LRRC9: variants seen among roughly 807,000 people sequenced by gnomAD.
LRRC9 encodes leucine rich repeat containing 9, also known as leucine-rich repeat-containing protein 9.
Under a neutral mutation model 63.2 loss-of-function variants are expected in LRRC9, and 122 were observed. The observed-to-expected ratio is 1.93, with a 90% CI of 1.67 to 2.24. The LOEUF is 2.24. LRRC9 is among the 30% of genes most tolerant of loss of function. The pLI is 0.00. For synonymous variants in LRRC9, 366 were observed against 213.1 expected (o/e 1.72, Z -6.25); for missense variants, 1,071 against 627.7 (o/e 1.71, Z -7.55).
Position 60,051,079 on chromosome 14 carries a change from G to A in LRRC9, c.3991-1986G>A, listed in dbSNP as rs543924505. On this transcript the variant is annotated intron_variant, in intron 29 of 31. Coordinates refer to ENST00000445360, the Ensembl canonical transcript of LRRC9. The surrounding 1 kb of genome is among the most constrained non-coding windows in gnomAD (Gnocchi z 4.7). Reference sequence around the variant, plus strand: ...AACAGGATCAAGGACACACTTACAGGAGTAGTCTGGCTGCTTTTGGTAGAG... The same window carrying A: ...AACAGGATCAAGGACACACTTACAGAAGTAGTCTGGCTGCTTTTGGTAGAG... 2.4e-4 allele frequency among the ~76,000 whole-genome samples: 37 copies of A among 152,336 alleles called. No individual in the cohort carries two copies. The highest frequency in any genetic ancestry group is 8.7e-4 in the African/African-American group (36 of 41,584).
At chr14:60,055,205 A>T (rs1002935720) in intron 30 of LRRC9, among the ~76,000 whole-genome samples, 8 of 152,380 alleles carry the variant, frequency 5.3e-5, no homozygotes, top group African/African-American at 1.9e-4. Context: ...AGTTTAGGCA[A>T]AGGAAATTGA....
rs944393052 is a variant in LRRC9 at position 59,932,789 on chromosome 14, G to A, written c.543+750G>A. Among the ~76,000 whole-genome samples, 3 of 152,008 alleles carry A rather than the reference G, an allele frequency of 2.0e-5. No homozygotes were observed. The highest frequency in any genetic ancestry group is 7.2e-5 in the African/African-American group (3 of 41,422). On this transcript the variant is annotated intron_variant, in intron 6 of 31. Transcript: ENST00000445360. The surrounding 1 kb of genome is among the most constrained non-coding windows in gnomAD (Gnocchi z 4.7). Reference sequence around the variant, plus strand: ...AAATATCTTCCTAACAATTTTTCCTGTGTTTGTCCTTTCCCTACTATAGAT... The same window carrying A: ...AAATATCTTCCTAACAATTTTTCCTATGTTTGTCCTTTCCCTACTATAGAT...
intron 12 of LRRC9, among the ~76,000 whole-genome samples, chr14:59,967,517 C>A (rs1884982859): frequency 6.6e-6 from 1 of 152,124 alleles, no homozygotes. Flanking sequence ...AATCTTTAAT[C>A]TTTTGTAAAC....
Position 59,966,803 on chromosome 14 carries a change from A to C in LRRC9, c.1388+38A>C. The C allele has an allele frequency of 1.8e-6, 1 of 560,876 alleles. No individual in the cohort carries two copies. The highest frequency in any genetic ancestry group is 3.2e-6 in the Non-Finnish European group (1 of 312,464). 34.7% of individuals were successfully genotyped at this position (560,876 alleles called of 1,614,324 possible). ...ATTCTTTATGGAACAACTTTACAAA[A>C]GTGTGACTGTATTTGTAAAATTTCT... On this transcript the variant is annotated intron_variant, in intron 11 of 31. Transcript: ENST00000445360. This position sits in a 1 kb window ranked among gnomAD's most constrained non-coding sequence, Gnocchi z 4.0.
intron 28 of LRRC9, among the ~76,000 whole-genome samples, chr14:60,030,809 G>A (rs1471531755): frequency 6.6e-6 from 1 of 151,878 alleles, no homozygotes; most frequent in Non-Finnish European, 1.5e-5. Flanking sequence ...CTTTTTGTGA[G>A]CCAGTAGCAG....
chr14:59,960,923 A>C lies in LRRC9; in HGVS notation c.1089A>C (p.Ala363=), dbSNP rs34826255. 532 of 671,436 alleles carry C rather than the reference A, an allele frequency of 7.9e-4. 3 individuals carry two copies. In the African/African-American group the frequency reaches 8.7e-3, roughly 11 times the overall value. 41.6% of individuals were successfully genotyped at this position (671,436 alleles called of 1,614,324 possible). A position where few individuals can be genotyped will look rare whatever the true frequency, so the allele number is the denominator to read the frequency against. ...TTTTTCTCTCCAATAGAATTGAAGC[A>C]ATTTATCATATTGAAGTAAAACAAA... Residue 363 remains alanine (A), a synonymous_variant, in exon 10 of 32, where the codon GCA becomes GCC. Transcript: ENST00000445360.
Position 59,990,254 on chromosome 14 carries a change from T to C in LRRC9, c.2211+5030T>C, listed in dbSNP as rs1469788776. Among the ~76,000 whole-genome samples the C allele has an allele frequency of 6.6e-6, 1 of 152,098 alleles. No individual in the cohort carries two copies. Among genetic ancestry groups the C allele is most frequent in the African/African-American group, 2.4e-5 (1 of 41,430 alleles). On this transcript the variant is annotated intron_variant, in intron 17 of 31. Transcript: ENST00000445360. This position sits in a 1 kb window ranked among gnomAD's most constrained non-coding sequence, Gnocchi z 4.2. ...GATCTTCTTTTTTATTCACCTCTCGTGTCCTTATCCTGTTTCATTTTGAGT... is the reference window on the plus strand; with the variant it reads ...GATCTTCTTTTTTATTCACCTCTCGCGTCCTTATCCTGTTTCATTTTGAGT...
At chr14:59,965,921 G>T (rs1016781394) in intron 10 of LRRC9, among the ~76,000 whole-genome samples, 6 of 52,820 alleles carry the variant, frequency 1.1e-4, no homozygotes, top group East Asian at 9.0e-4. Flanking sequence ...AAAAAAAAAA[G>T]ATACTGGTGA....
At chr14:60,050,188 G>T (rs1020285661) in intron 29 of LRRC9, among the ~76,000 whole-genome samples, 1 of 151,988 alleles carries the variant, frequency 6.6e-6, no homozygotes, top group Non-Finnish European at 1.5e-5. Context: ...GTAGAGACAG[G>T]TTTCACCATG....
At chr14:59,961,602 A>G (rs975276406) in intron 10 of LRRC9, among the ~76,000 whole-genome samples, 6 of 152,138 alleles carry the variant, frequency 3.9e-5, no homozygotes, top group Non-Finnish European at 7.3e-5. Flanking sequence ...AGCATAAAGT[A>G]TATGCTTATA....
In LRRC9 at chr14:59,980,341, A is replaced by G. The variant is rs188642539; in HGVS notation, c.1879-1507A>G. On this transcript the variant is annotated intron_variant, in intron 15 of 31. Transcript: ENST00000445360. ...ATATGAATCTATTCTGTTCCATTGA[A>G]CTCTTTCATCTAATTTTGGATCACT... Among the ~76,000 whole-genome samples the G allele has an allele frequency of 2.4e-4, 36 of 151,630 alleles. No homozygotes were observed. In the East Asian group the frequency reaches 6.0e-3, roughly 25 times the overall value.
chr14:59,972,867 T>C (rs1354761118), intron 12 of LRRC9, among the ~76,000 whole-genome samples: 4 of 152,112 alleles, frequency 2.6e-5, no homozygotes, highest in Non-Finnish European at 5.9e-5. Flanking sequence ...ATGAGTTATA[T>C]AGACAACAGA....
chr14:59,975,034 C>CATATAT (rs369719892), intron 13 of LRRC9, among the ~76,000 whole-genome samples: 2,727 of 80,958 alleles, frequency 0.034, 187 homozygotes, highest in African/African-American at 0.04. Flanking sequence ...TGTGTCACAG[C>CATATAT]ATATATATAT....
chr14:59,955,009 G>T (rs911965248), intron 8 of LRRC9, among the ~76,000 whole-genome samples: 1 of 152,176 alleles, frequency 6.6e-6, no homozygotes, highest in Non-Finnish European at 1.5e-5. Flanking sequence ...GATCGTGGTG[G>T]ATAAACTTTT....
At chr14:60,043,664 T>G (rs552794160) in intron 29 of LRRC9, among the ~76,000 whole-genome samples, 1 of 152,248 alleles carries the variant, frequency 6.6e-6, no homozygotes, top group South Asian at 2.1e-4. Flanking sequence ...GAATGATCTT[T>G]TTAATGTGTT....
intron 22 of LRRC9, among the ~76,000 whole-genome samples, chr14:60,007,249 G>A (rs1051182613): frequency 5.9e-5 from 9 of 151,918 alleles, no homozygotes; most frequent in African/African-American, 1.2e-4. Context: ...TCCCCATTCC[G>A]TTCCCCCAGT....
At chr14:59,981,744 T>G in intron 15 of LRRC9, 104 bp from the exon 16 acceptor site, 1 of 618,388 alleles carries the variant, frequency 1.6e-6, no homozygotes, top group Non-Finnish European at 2.8e-6. Flanking sequence ...CAGATATGAC[T>G]GTATAACTAA....
rs905472960 is a variant in LRRC9, at chr14:60,060,633, C to T, written c.4276+2611C>T. ...GCGGGCGCCTGTAGTCCCAGCTACT[C>T]GGGAGGCTGAGTCAAGAGAATGGCA... On this transcript the variant is annotated intron_variant, in intron 31 of 31. Transcript: ENST00000445360. This position sits in a 1 kb window ranked among gnomAD's most constrained non-coding sequence, Gnocchi z 4.0. Among the ~76,000 whole-genome samples, 1 of 151,962 alleles carries T rather than the reference C, an allele frequency of 6.6e-6. No individual in the cohort carries two copies. Among genetic ancestry groups the T allele is most frequent in the African/African-American group, 2.4e-5 (1 of 41,374 alleles).
intron 31 of LRRC9, among the ~76,000 whole-genome samples, chr14:60,061,416 C>T (rs1435048621): frequency 6.6e-6 from 1 of 152,182 alleles, no homozygotes; most frequent in Non-Finnish European, 1.5e-5. Context: ...TGAACATTCA[C>T]ATGATCATTA....
Sources: allele counts gnomAD v4.1 joint callset (sites outside exome capture counted in the v4.1 genomes callset), GRCh38; gene constraint gnomAD v4.1.1; non-coding constraint Gnocchi (gnomAD v3.1); transcripts MANE v1.5; gene names NCBI Gene and HGNC (gene_info 2026-07-23, HGNC 2026-07-21).